CNTN5: variants seen among roughly 807,000 people sequenced by gnomAD.
CNTN5 encodes the protein contactin-5.
CNTN5 carries 77 observed loss-of-function variants against 129.1 expected under a neutral mutation model. The observed-to-expected ratio is 0.60, with a 90% CI of 0.50 to 0.72. The LOEUF (loss-of-function observed/expected upper bound fraction) is 0.72, where lower values mean the gene tolerates loss of function less well. Among genes scored for constraint, CNTN5 ranks in the 30% least tolerant of loss-of-function variants. The pLI, the probability that CNTN5 is intolerant of heterozygous loss-of-function variation, is 0.00. For missense variants in CNTN5, 1,478 were observed against 1,328.8 expected, an observed-to-expected ratio of 1.11 and a Z score of -1.75; for synonymous variants, 509 against 465.6, an observed-to-expected ratio of 1.09 and a Z score of -1.20.
chr11:100,164,483 T>A (rs1275340379), intron 13 of CNTN5, among the ~76,000 whole-genome samples: 6 of 151,794 alleles, frequency 4.0e-5, no homozygotes, highest in South Asian at 4.1e-4. Context: ...AAAATTCATA[T>A]TTTAGTTATA....
intron 3 of CNTN5, among the ~76,000 whole-genome samples, chr11:99,675,115 A>G (rs1380226834): frequency 2.0e-5 from 3 of 152,110 alleles, no homozygotes; most frequent in Admixed American, 1.3e-4. Context: ...TGTTCATCCT[A>G]CTAACTAATT....
chr11:99,152,335 G>C (rs189517191), intron 1 of CNTN5, among the ~76,000 whole-genome samples: 41 of 152,222 alleles, frequency 2.7e-4, no homozygotes, highest in Non-Finnish European at 5.6e-4. Context: ...ATTTAGACCT[G>C]TGTCTCATCA....
chr11:100,051,274 A>C (rs1942940577), intron 9 of CNTN5, among the ~76,000 whole-genome samples: 1 of 152,140 alleles, frequency 6.6e-6, no homozygotes, highest in Non-Finnish European at 1.5e-5. Flanking sequence ...CCCCTAAAAA[A>C]GACTAAAAAC....
Position 99,945,960 on chromosome 11 carries a change from GA to G in CNTN5, c.674-10836del, listed in dbSNP as rs112670483. ...ACAAAGAAGGCATAAGTACAAGCAT[GA>G]AAAAAAAAATCTATTTTCTTACCCT... On this transcript the variant is annotated intron_variant, in intron 7 of 24. Transcript: ENST00000524871. Among the ~76,000 whole-genome samples the G allele has an allele frequency of 3.8e-3, 573 of 149,080 alleles. 5 individuals carry two copies. The highest frequency in any genetic ancestry group is 0.012 in the African/African-American group (487 of 40,714).
chr11:100,128,054 A>G (rs1211412127), intron 13 of CNTN5, among the ~76,000 whole-genome samples: 2 of 152,066 alleles, frequency 1.3e-5, no homozygotes, highest in Non-Finnish European at 2.9e-5. Flanking sequence ...TCTCTATTGT[A>G]TCAATTGTCC....
chr11:99,284,308 T>G (rs1391765642), intron 1 of CNTN5, among the ~76,000 whole-genome samples: 1 of 152,114 alleles, frequency 6.6e-6, no homozygotes, highest in Non-Finnish European at 1.5e-5. Context: ...TGACATGTTA[T>G]GGGATATATT....
At chr11:100,321,475 T>C (rs1310236473) in intron 21 of CNTN5, among the ~76,000 whole-genome samples, 1 of 152,170 alleles carries the variant, frequency 6.6e-6, no homozygotes, top group Non-Finnish European at 1.5e-5. Context: ...GGGTTTCCTA[T>C]ATGTTAGATT....
intron 3 of CNTN5, among the ~76,000 whole-genome samples, chr11:99,659,606 C>T (rs1328925828): frequency 2.6e-5 from 4 of 152,026 alleles, no homozygotes; most frequent in Admixed American, 6.6e-5. Flanking sequence ...AGGCTAGAGA[C>T]CTAGGGAAAA....
intron 13 of CNTN5, among the ~76,000 whole-genome samples, chr11:100,141,693 T>C (rs1475007808): frequency 6.6e-6 from 1 of 152,134 alleles, no homozygotes; most frequent in Non-Finnish European, 1.5e-5. Flanking sequence ...ATGAATAAAA[T>C]AGCGTAAGAA....
At chr11:99,582,635 G>A (rs188106892) in intron 3 of CNTN5, among the ~76,000 whole-genome samples, 1 of 152,222 alleles carries the variant, frequency 6.6e-6, no homozygotes, top group African/African-American at 2.4e-5. Flanking sequence ...TGAGGCTTGT[G>A]CATTCACACA....
At chr11:99,981,495 C>T (rs1299029719) in intron 8 of CNTN5, among the ~76,000 whole-genome samples, 1 of 152,106 alleles carries the variant, frequency 6.6e-6, no homozygotes, top group Non-Finnish European at 1.5e-5. Flanking sequence ...TGGATCTTTC[C>T]CACCTAGTCC....
intron 1 of CNTN5, among the ~76,000 whole-genome samples, chr11:99,237,968 T>C (rs1861364390): frequency 6.6e-6 from 1 of 152,184 alleles, no homozygotes; most frequent in Admixed American, 6.5e-5. Context: ...GCATTTTTCC[T>C]AAACTGCTAT....
Position 100,248,138 on chromosome 11 carries a change from C to T in CNTN5, c.2006-7622C>T, listed in dbSNP as rs188525464. The stretch of plus-strand genomic sequence containing the variant: ...GGTTAAAAATAAAACAACTGGATAA[C>T]GAGCATATTTGGGATCAAAATTCTC... On this transcript the variant is annotated intron_variant, in intron 16 of 24. Coordinates refer to ENST00000524871, the MANE Select transcript of CNTN5 (RefSeq NM_014361.4). Among the ~76,000 whole-genome samples the T allele has an allele frequency of 4.4e-3, 669 of 152,242 alleles. 7 individuals are homozygous for T. Among genetic ancestry groups the T allele is most frequent in the African/African-American group, 0.015 (635 of 41,558 alleles).
At chr11:100,281,996 ATTT>A (rs34162956) in intron 18 of CNTN5, among the ~76,000 whole-genome samples, 35 of 123,140 alleles carry the variant, frequency 2.8e-4, no homozygotes, top group Admixed American at 4.0e-4. Flanking sequence ...TTGGCATTCT[ATTT>A]TTTTTTTTTT....
chr11:100,257,519 C>A (rs565713273), intron 17 of CNTN5, among the ~76,000 whole-genome samples: 1 of 152,278 alleles, frequency 6.6e-6, no homozygotes, highest in East Asian at 1.9e-4. Context: ...GGAGTTGTCA[C>A]CGACACCTCA....
At chr11:99,493,091 A>G (rs2135356475) in intron 2 of CNTN5, among the ~76,000 whole-genome samples, 1 of 152,324 alleles carries the variant, frequency 6.6e-6, no homozygotes, top group South Asian at 2.1e-4. Flanking sequence ...TCAAATGCCC[A>G]GGCACCATAT....
intron 2 of CNTN5, among the ~76,000 whole-genome samples, chr11:99,462,277 GAGAA>G (rs1944729656): frequency 6.6e-6 from 1 of 151,766 alleles, no homozygotes; most frequent in African/African-American, 2.4e-5. Context: ...CAGGGAGAAA[GAGAA>G]AGAAACAAGA....
intron 1 of CNTN5, among the ~76,000 whole-genome samples, chr11:99,123,183 T>C (rs551653451): frequency 6.6e-6 from 1 of 152,242 alleles, no homozygotes; most frequent in East Asian, 1.9e-4. Context: ...TAAGTGTTCC[T>C]TTTTCTCTGC....
intron 3 of CNTN5, among the ~76,000 whole-genome samples, chr11:99,662,489 T>A (rs1245510870): frequency 6.6e-6 from 1 of 152,218 alleles, no homozygotes; most frequent in Non-Finnish European, 1.5e-5. Context: ...ACAATGGTTA[T>A]CAATTTCTGA....
Sources: allele counts gnomAD v4.1 joint callset (sites outside exome capture counted in the v4.1 genomes callset), GRCh38; gene constraint gnomAD v4.1.1; transcripts MANE v1.5; gene names NCBI Gene and HGNC (gene_info 2026-07-23, HGNC 2026-07-21).